The following DPP10 variants were observed in gnomAD, a reference collection of about 807,000 sequenced individuals.
The protein encoded by DPP10 is inactive dipeptidyl peptidase 10.
Under a neutral mutation model 120.9 loss-of-function variants are expected in DPP10, and 33 were observed. That is an observed-to-expected ratio of 0.27 (90% CI 0.21 to 0.37). The LOEUF (loss-of-function observed/expected upper bound fraction) is 0.37, where lower values mean the gene tolerates loss of function less well. Ranked by LOEUF, DPP10 falls within the 10% of genes least tolerant of loss-of-function variation. DPP10 has a pLI of 1.00. For missense variants in DPP10, 816 were observed against 942.8 expected, an observed-to-expected ratio of 0.87 and a Z score of 1.76; for synonymous variants, 337 against 326.1, an observed-to-expected ratio of 1.03 and a Z score of -0.36.
At chr2:115,839,384 T>C (rs1689850000) in intron 24 of DPP10, among the ~76,000 whole-genome samples, 2 of 152,016 alleles carry the variant, frequency 1.3e-5, no homozygotes, top group Admixed American at 1.3e-4. Flanking sequence ...CAATTAAAAA[T>C]GTTAGCTTAG....
At chr2:115,344,469 T>C (rs1283263856) in intron 3 of DPP10, among the ~76,000 whole-genome samples, 1 of 152,166 alleles carries the variant, frequency 6.6e-6, no homozygotes, top group African/African-American at 2.4e-5. Flanking sequence ...TGGTTTTTGT[T>C]ATTCTCTGTG....
At chr2:115,449,119 T>C (rs708651) in intron 3 of DPP10, among the ~76,000 whole-genome samples, 125,861 of 152,088 alleles carry the variant, frequency 0.83, 55,132 homozygotes, top group Non-Finnish European at 0.97. Context: ...TGAGATAAAA[T>C]TAACTCCTCC....
intron 1 of DPP10, among the ~76,000 whole-genome samples, chr2:114,952,614 A>G (rs909566452): frequency 6.6e-6 from 1 of 152,208 alleles, no homozygotes; most frequent in African/African-American, 2.4e-5. Context: ...GGCCCTAAAT[A>G]TAGTCCTAAG....
intron 3 of DPP10, among the ~76,000 whole-genome samples, chr2:115,497,981 G>A (rs747133068): frequency 6.6e-6 from 1 of 151,904 alleles, no homozygotes; most frequent in Non-Finnish European, 1.5e-5. Context: ...CTTTTTAGCT[G>A]ATAAAAGAAG....
intron 1 of DPP10, among the ~76,000 whole-genome samples, chr2:115,006,700 G>T (rs1701870436): frequency 6.6e-6 from 1 of 151,614 alleles, no homozygotes; most frequent in Non-Finnish European, 1.5e-5. Flanking sequence ...CAATACAGGA[G>T]CACCCAGATT....
intron 5 of DPP10, among the ~76,000 whole-genome samples, chr2:115,624,310 C>T (rs1323491886): frequency 6.6e-6 from 1 of 152,046 alleles, no homozygotes; most frequent in Non-Finnish European, 1.5e-5. Flanking sequence ...TTTTTCTATT[C>T]TCTCATATTT....
intron 1 of DPP10, among the ~76,000 whole-genome samples, chr2:114,715,684 T>A (rs1214436292): frequency 6.6e-6 from 1 of 152,076 alleles, no homozygotes; most frequent in Non-Finnish European, 1.5e-5. Context: ...TTAGTTAATT[T>A]AAGAAATTAG....
intron 2 of DPP10, among the ~76,000 whole-genome samples, chr2:115,314,945 A>G (rs543774842): frequency 6.6e-6 from 1 of 152,268 alleles, no homozygotes; most frequent in African/African-American, 2.4e-5. Context: ...AGTGCACACA[A>G]TCAACTCATT....
At chr2:114,839,227 A>G (rs1014630486) in intron 1 of DPP10, among the ~76,000 whole-genome samples, 9 of 152,198 alleles carry the variant, frequency 5.9e-5, no homozygotes, top group African/African-American at 2.2e-4. Context: ...AATACATCCT[A>G]TTAAAGTATG....
rs17044172 is a variant in DPP10, at chr2:115,199,619, T to C, written c.61-109620T>C. Among the ~76,000 whole-genome samples, 741 of 152,242 alleles carry C rather than the reference T, an allele frequency of 4.9e-3. 5 individuals are homozygous for C. Among genetic ancestry groups the C allele is most frequent in the African/African-American group, 0.016 (677 of 41,542 alleles). On this transcript the variant is annotated intron_variant, in intron 1 of 25. Transcript: ENST00000410059. ...ATAACATACCTACTTACCAAAAGAA[T>C]TGGGAGAAGAAATCTTGATTCATTT...
At chr2:115,425,634 TAACTC>T (rs1408064561) in intron 3 of DPP10, among the ~76,000 whole-genome samples, 7 of 152,318 alleles carry the variant, frequency 4.6e-5, no homozygotes, top group South Asian at 4.1e-4. Context: ...TGTTGAAAAT[TAACTC>T]AACCATTTTT....
intron 5 of DPP10, among the ~76,000 whole-genome samples, chr2:115,565,383 C>G (rs1179323368): frequency 6.6e-6 from 1 of 152,112 alleles, no homozygotes; most frequent in Non-Finnish European, 1.5e-5. Context: ...CCACATTATG[C>G]CCTTTTAGCT....
Position 115,343,873 on chromosome 2 carries a change from G to A in DPP10, c.232G>A (p.Asp78Asn). 6.2e-7 allele frequency: 1 copy of A among 1,611,546 alleles called. No individual in the cohort carries two copies. Among genetic ancestry groups the A allele is most frequent in the Non-Finnish European group, 8.5e-7 (1 of 1,178,794 alleles). The change falls in exon 3 of 26, where the codon GAC (aspartate) becomes AAC (asparagine). Residue 78 changes from aspartate to asparagine, a missense_variant. Transcript: ENST00000410059. The stretch of plus-strand genomic sequence containing the variant: ...GTCTTTGGAAGACCTCTTTAGGAAA[G>A]ACTTTGTGCTTCACGATCCAGAGGC... ...RLSLEDLFRKDFVLHDPEARW... is the reference protein window; with the variant it reads ...RLSLEDLFRKNFVLHDPEARW...
chr2:115,211,721 G>A (rs1418483212), intron 1 of DPP10, among the ~76,000 whole-genome samples: 1 of 151,976 alleles, frequency 6.6e-6, no homozygotes, highest in African/African-American at 2.4e-5. Flanking sequence ...TGCATCATTA[G>A]TTGACATGTT....
chr2:115,768,934 A>G (rs1681121622), intron 13 of DPP10, among the ~76,000 whole-genome samples: 1 of 151,994 alleles, frequency 6.6e-6, no homozygotes, highest in African/African-American at 2.4e-5. Context: ...ATGTTGTAAA[A>G]TATAATCTAT....
intron 19 of DPP10, among the ~76,000 whole-genome samples, chr2:115,791,927 G>A (rs1271340646): frequency 6.6e-6 from 1 of 152,028 alleles, no homozygotes; most frequent in Non-Finnish European, 1.5e-5. Context: ...TATTGATTTA[G>A]CATTGTATTC....
chr2:115,341,355 CT>C (rs1380439064), intron 2 of DPP10, among the ~76,000 whole-genome samples: 1 of 152,054 alleles, frequency 6.6e-6, no homozygotes, highest in African/African-American at 2.4e-5. Context: ...TCTCTTCCCC[CT>C]GACCCCCCTG....
intron 8 of DPP10, among the ~76,000 whole-genome samples, chr2:115,737,807 T>C (rs985427658): frequency 1.3e-5 from 2 of 152,206 alleles, no homozygotes; most frequent in Admixed American, 1.3e-4. Context: ...AAATTTTCTC[T>C]GACTTTAGAA....
At chr2:115,709,229 T>A (rs565192106) in intron 7 of DPP10, among the ~76,000 whole-genome samples, 1 of 152,066 alleles carries the variant, frequency 6.6e-6, no homozygotes. Context: ...GAATCTCTGA[T>A]AGGAAATCCG....
Sources: allele counts gnomAD v4.1 joint callset (sites outside exome capture counted in the v4.1 genomes callset), GRCh38; gene constraint gnomAD v4.1.1; transcripts MANE v1.5; gene names NCBI Gene and HGNC (gene_info 2026-07-23, HGNC 2026-07-21).